PTPRG: variants seen among roughly 807,000 people sequenced by gnomAD.
PTPRG encodes the protein receptor-type tyrosine-protein phosphatase gamma.
In PTPRG, 102 loss-of-function variants were observed where a neutral mutation model predicts 165.3. That is an observed-to-expected ratio of 0.62 (90% CI 0.53 to 0.73). The LOEUF (loss-of-function observed/expected upper bound fraction) is 0.73. Ranked by LOEUF, PTPRG falls within the 30% of genes least tolerant of loss-of-function variation. The pLI is 0.00. For synonymous variants in PTPRG, 675 were observed against 669.5 expected (o/e 1.01, Z -0.13); for missense variants, 1,866 against 1,861.4 (o/e 1.00, Z -0.05).
intron 2 of PTPRG, among the ~76,000 whole-genome samples, chr3:61,870,965 CAG>C (rs201221799): frequency 2.0e-5 from 3 of 152,120 alleles, no homozygotes; most frequent in East Asian, 1.9e-4. Flanking sequence ...ATATTCGAAT[CAG>C]GGGTTTCAGG....
At chr3:62,121,826 G>A (rs1378815317) in intron 5 of PTPRG, among the ~76,000 whole-genome samples, 1 of 152,200 alleles carries the variant, frequency 6.6e-6, no homozygotes, top group African/African-American at 2.4e-5. Context: ...AGGAGAGAGA[G>A]TTGGCCCAGT....
intron 2 of PTPRG, among the ~76,000 whole-genome samples, chr3:61,870,201 G>A (rs947572125): frequency 6.6e-6 from 1 of 151,960 alleles, no homozygotes; most frequent in African/African-American, 2.4e-5. Context: ...AGATGCTATT[G>A]CATAAAATAT....
chr3:62,083,723 C>T (rs1187839137), intron 5 of PTPRG, among the ~76,000 whole-genome samples: 1 of 152,208 alleles, frequency 6.6e-6, no homozygotes, highest in Non-Finnish European at 1.5e-5. Context: ...CTTTTATCGT[C>T]ACCCTCAGAA....
At chr3:61,894,302 A>AAC in intron 2 of PTPRG, among the ~76,000 whole-genome samples, 2 of 8,872 alleles carry the variant, frequency 2.3e-4, no homozygotes, top group Admixed American at 1.7e-3. Context: ...ACTCTGTGTC[A>AAC]AAAAAAAAAA....
At chr3:62,023,959 A>T (rs2041753881) in intron 4 of PTPRG, among the ~76,000 whole-genome samples, 1 of 152,120 alleles carries the variant, frequency 6.6e-6, no homozygotes, top group Non-Finnish European at 1.5e-5. Flanking sequence ...TTATCTTAGG[A>T]TGTATCCTAA....
intron 2 of PTPRG, among the ~76,000 whole-genome samples, chr3:61,816,749 A>G (rs1041726439): frequency 1.4e-4 from 21 of 151,736 alleles, no homozygotes; most frequent in Non-Finnish European, 2.1e-4. Flanking sequence ...ATGAGATATG[A>G]TGAAAGTTTG....
At chr3:61,760,368 C>G (rs550017181) in intron 2 of PTPRG, among the ~76,000 whole-genome samples, 43 of 152,234 alleles carry the variant, frequency 2.8e-4, no homozygotes, top group African/African-American at 9.4e-4. Flanking sequence ...TTTTGTTCCC[C>G]CTTTCTCGCT....
At chr3:62,166,947 T>C (rs115167830) in intron 7 of PTPRG, among the ~76,000 whole-genome samples, 1,730 of 152,178 alleles carry the variant, frequency 0.011, 14 homozygotes, top group Middle Eastern at 0.037. Context: ...CCTCCCAAAG[T>C]GCTGGAATTA....
At chr3:62,218,362 A>T (rs113322434) in intron 12 of PTPRG, among the ~76,000 whole-genome samples, 18 of 152,318 alleles carry the variant, frequency 1.2e-4, no homozygotes, top group African/African-American at 3.8e-4. Flanking sequence ...CTGAGCAGCA[A>T]AGAATAGATG....
At chr3:62,110,245 A>G (rs997700132) in intron 5 of PTPRG, among the ~76,000 whole-genome samples, 6 of 151,968 alleles carry the variant, frequency 3.9e-5, no homozygotes, top group Non-Finnish European at 7.4e-5. Flanking sequence ...CTGTCTCCTG[A>G]CAGGACCCTA....
intron 4 of PTPRG, among the ~76,000 whole-genome samples, chr3:62,022,530 C>G (rs73097929): frequency 0.017 from 2,649 of 152,152 alleles, 36 homozygotes; most frequent in Non-Finnish European, 0.03. Flanking sequence ...ACGGTGTGAA[C>G]GATGCAGGTA....
intron 2 of PTPRG, among the ~76,000 whole-genome samples, chr3:61,773,997 A>G (rs1256292835): frequency 1.2e-4 from 18 of 151,650 alleles, no homozygotes; most frequent in Non-Finnish European, 2.9e-5. Flanking sequence ...TTGGTCTGAA[A>G]CTCCTGACCT....
intron 4 of PTPRG, among the ~76,000 whole-genome samples, chr3:62,063,449 C>G (rs1399195877): frequency 6.6e-6 from 1 of 152,176 alleles, no homozygotes; most frequent in African/African-American, 2.4e-5. Flanking sequence ...GTTTTGCTCT[C>G]TGATTCTCTG....
chr3:61,968,407 C>T (rs1032033400), intron 2 of PTPRG, among the ~76,000 whole-genome samples: 1 of 152,058 alleles, frequency 6.6e-6, no homozygotes, highest in African/African-American at 2.4e-5. Context: ...GATATGAAGC[C>T]CATCTGTGCA....
At chr3:62,038,127 G>C (rs1455970875) in intron 4 of PTPRG, among the ~76,000 whole-genome samples, 1 of 152,142 alleles carries the variant, frequency 6.6e-6, no homozygotes, top group Non-Finnish European at 1.5e-5. Context: ...CCTATTTTCT[G>C]ACCTACTAAA....
intron 2 of PTPRG, among the ~76,000 whole-genome samples, chr3:61,918,819 A>C (rs917454855): frequency 6.6e-6 from 1 of 152,172 alleles, no homozygotes; most frequent in Admixed American, 6.5e-5. Context: ...TTTGTCTGAC[A>C]CAGGTTTTAT....
intron 2 of PTPRG, among the ~76,000 whole-genome samples, chr3:61,780,545 T>C (rs1559608024): frequency 6.6e-6 from 1 of 152,216 alleles, no homozygotes; most frequent in Admixed American, 6.5e-5. Flanking sequence ...TCAGTATTAA[T>C]ATCTTCCTTA....
chr3:61,688,717 T>C (rs2029944496), intron 1 of PTPRG, among the ~76,000 whole-genome samples: 1 of 152,230 alleles, frequency 6.6e-6, no homozygotes, highest in Non-Finnish European at 1.5e-5. Context: ...TCAGTACCCT[T>C]GTCAGCTGCT....
At chr3:61,738,885 C>T (rs1441549083) in intron 1 of PTPRG, among the ~76,000 whole-genome samples, 1 of 151,870 alleles carries the variant, frequency 6.6e-6, no homozygotes, top group Non-Finnish European at 1.5e-5. Flanking sequence ...AGTGATCCTC[C>T]CGTCTCAGCC....
Sources: allele counts gnomAD v4.1 joint callset (sites outside exome capture counted in the v4.1 genomes callset), GRCh38; gene constraint gnomAD v4.1.1; transcripts MANE v1.5; gene names NCBI Gene and HGNC (gene_info 2026-07-23, HGNC 2026-07-21).